CPA6: variants seen among roughly 807,000 people sequenced by gnomAD.
The protein encoded by CPA6 is carboxypeptidase B.
CPA6 carries 58 observed loss-of-function variants against 63.3 expected under a neutral mutation model. The ratio of observed to expected loss-of-function variants is 0.92; its 90% CI spans 0.74 to 1.14. CPA6 has a LOEUF of 1.14. CPA6 is among the 50% of genes most tolerant of loss of function. CPA6 has a pLI of 0.00. For missense variants in CPA6, 565 were observed against 526.6 expected (o/e 1.07, Z -0.71); for synonymous variants, 185 against 179.0 (o/e 1.03, Z -0.27).
intron 8 of CPA6, among the ~76,000 whole-genome samples, chr8:67,480,320 C>T (rs901390616): frequency 4.6e-5 from 7 of 151,872 alleles, no homozygotes; most frequent in South Asian, 2.1e-4. Context: ...CCAAAAGAAA[C>T]CCCTTACCCC....
At chr8:67,607,174 CTT>C (rs1256443654) in intron 2 of CPA6, among the ~76,000 whole-genome samples, 194 of 8,176 alleles carry the variant, frequency 0.024, 35 homozygotes, top group African/African-American at 0.073. Context: ...TCTTCCTCTT[CTT>C]CTTCTTCTTC....
chr8:67,482,601 G>T (rs1811383043), intron 8 of CPA6, among the ~76,000 whole-genome samples: 1 of 152,184 alleles, frequency 6.6e-6, no homozygotes. Context: ...GCTTAGAGGT[G>T]AACTGACTGT....
At chr8:67,553,373 A>C (rs951704372) in intron 2 of CPA6, among the ~76,000 whole-genome samples, 1 of 152,224 alleles carries the variant, frequency 6.6e-6, no homozygotes, top group African/African-American at 2.4e-5. Flanking sequence ...CTTGTAGCCT[A>C]GTAGGAGAAA....
At chr8:67,441,280 T>C (rs1810289749) in intron 8 of CPA6, among the ~76,000 whole-genome samples, 1 of 152,192 alleles carries the variant, frequency 6.6e-6, no homozygotes, top group Non-Finnish European at 1.5e-5. Flanking sequence ...AATTAAGCTA[T>C]TAAAGAATGC....
chr8:67,740,490 A>G (rs1817891132), intron 1 of CPA6, among the ~76,000 whole-genome samples: 1 of 152,188 alleles, frequency 6.6e-6, no homozygotes, highest in African/African-American at 2.4e-5. Context: ...CTGAGTCACT[A>G]TTTCTCACAA....
chr8:67,423,232 G>A (rs1025374269), intron 10 of CPA6, among the ~76,000 whole-genome samples: 11 of 152,078 alleles, frequency 7.2e-5, no homozygotes, highest in Admixed American at 3.3e-4. Context: ...TTACAGGCCC[G>A]CGCCACCATG....
intron 8 of CPA6, among the ~76,000 whole-genome samples, chr8:67,457,110 A>C (rs942546740): frequency 7.9e-5 from 12 of 152,244 alleles, no homozygotes; most frequent in African/African-American, 2.7e-4. Context: ...GTTTTAGGTC[A>C]CCAAGTTTGT....
intron 1 of CPA6, among the ~76,000 whole-genome samples, chr8:67,717,586 T>C (rs1817406849): frequency 6.6e-6 from 1 of 152,220 alleles, no homozygotes; most frequent in African/African-American, 2.4e-5. Flanking sequence ...CTTAACTATG[T>C]GGTATTTGAT....
chr8:67,594,855 C>T (rs879659057), intron 2 of CPA6, among the ~76,000 whole-genome samples: 9 of 152,116 alleles, frequency 5.9e-5, no homozygotes, highest in Non-Finnish European at 1.2e-4. Context: ...GTAGTTTGAT[C>T]GTCTGAAGCC....
At chr8:67,709,165 C>T (rs990381789) in intron 1 of CPA6, among the ~76,000 whole-genome samples, 2 of 152,124 alleles carry the variant, frequency 1.3e-5, no homozygotes, top group Admixed American at 6.5e-5. Context: ...AAGCACACTG[C>T]GTATGCGGCC....
chr8:67,578,549 C>T (rs774854201), intron 2 of CPA6, among the ~76,000 whole-genome samples: 42 of 152,160 alleles, frequency 2.8e-4, no homozygotes, highest in Non-Finnish European at 5.3e-4. Context: ...TGGGCAGCAT[C>T]TTGATTACCA....
intron 7 of CPA6, 107 bp downstream of exon 7, chr8:67,484,572 A>G (rs770432031): frequency 6.1e-5 from 34 of 556,702 alleles, no homozygotes; most frequent in Non-Finnish European, 1.0e-4. Flanking sequence ...CTCTGGAATC[A>G]CTCAGCTGAT....
At chr8:67,523,437 G>A (rs992287998) in intron 2 of CPA6, among the ~76,000 whole-genome samples, 4 of 152,170 alleles carry the variant, frequency 2.6e-5, no homozygotes, top group African/African-American at 7.2e-5. Context: ...GCTGAGGCAG[G>A]AGAATAGTGT....
At chr8:67,536,959 G>A (rs1173378659) in intron 2 of CPA6, among the ~76,000 whole-genome samples, 1 of 152,128 alleles carries the variant, frequency 6.6e-6, no homozygotes, top group African/African-American at 2.4e-5. Context: ...TAATCGTGTG[G>A]TTTTTGTCAT....
chr8:67,434,482 A>G (rs1810100789), intron 8 of CPA6, among the ~76,000 whole-genome samples: 1 of 152,256 alleles, frequency 6.6e-6, no homozygotes, highest in Non-Finnish European at 1.5e-5. Context: ...GAACATGCAC[A>G]AACCACTCTA....
intron 1 of CPA6, among the ~76,000 whole-genome samples, chr8:67,627,797 T>C (rs945751613): frequency 1.3e-5 from 2 of 152,192 alleles, no homozygotes; most frequent in Non-Finnish European, 2.9e-5. Context: ...AAAGCCCACG[T>C]TGAGTTTGGT....
intron 1 of CPA6, among the ~76,000 whole-genome samples, chr8:67,739,278 T>C (rs1209352368): frequency 6.6e-6 from 1 of 152,162 alleles, no homozygotes; most frequent in East Asian, 1.9e-4. Flanking sequence ...ACACAGAACA[T>C]ACTGCAGGGA....
chr8:67,554,052 G>C (rs192155739), intron 2 of CPA6, among the ~76,000 whole-genome samples: 1 of 152,192 alleles, frequency 6.6e-6, no homozygotes, highest in African/African-American at 2.4e-5. Context: ...TTTTAGTAAA[G>C]GTTCTCCAGA....
rs1378343682 is a variant in CPA6, at chr8:67,440,570, C to CA, written c.839-6331dup. Among the ~76,000 whole-genome samples, 7 of 151,130 alleles carry CA rather than the reference C, an allele frequency of 4.6e-5. No homozygotes were observed. The East Asian group carries it at 7.8e-4, about 17-fold the overall frequency. On this transcript the variant is annotated intron_variant, in intron 8 of 10. Transcript: ENST00000297770. ...TGGGTGGCAGAGAAAGACCCTATCT[C>CA]AAAAAAAATAATAAAAAATAACATG...
Sources: allele counts gnomAD v4.1 joint callset (sites outside exome capture counted in the v4.1 genomes callset), GRCh38; gene constraint gnomAD v4.1.1; transcripts MANE v1.5; gene names NCBI Gene and HGNC (gene_info 2026-07-23, HGNC 2026-07-21).